The following ZBTB2 variants were observed in gnomAD, a reference collection of about 807,000 sequenced individuals.
The protein encoded by ZBTB2 is zinc finger and BTB domain containing 2, also known as zinc finger and BTB domain-containing protein 2.
Under a neutral mutation model 39.5 loss-of-function variants are expected in ZBTB2, and 2 were observed. The ratio of observed to expected loss-of-function variants is 0.05; its 90% CI spans 0.02 to 0.16. The LOEUF is 0.16. Ranked by LOEUF, ZBTB2 falls within the 10% of genes least tolerant of loss-of-function variation. The pLI is 1.00. For missense variants in ZBTB2, 391 were observed against 653.0 expected (o/e 0.60, Z 4.37); for synonymous variants, 251 against 256.6 (o/e 0.98, Z 0.21).
intron 1 of ZBTB2, among the ~76,000 whole-genome samples, chr6:151,391,201 C>T (rs1256768084): frequency 6.6e-6 from 1 of 151,408 alleles, no homozygotes; most frequent in Admixed American, 6.6e-5. Flanking sequence ...CGCCCCTGCC[C>T]TCGCTTCCCA....
rs531722252 is a variant in ZBTB2, at chr6:151,391,557, C to CGCGGCG, written c.-151_-150insCGCCGC. ...CTGCCGCCGCGGTCGGTGTCTCCGG[C>CGCGGCG]GCGGCGGCGGCGGCGGCGGCGGGGC... On this transcript the variant is annotated 5_prime_UTR_variant, in exon 1 of 3. Coordinates refer to ENST00000325144, the MANE Select transcript of ZBTB2 (RefSeq NM_020861.3). 2.0e-4 allele frequency: 30 copies of CGCGGCG among 153,802 alleles called. 1 individual carries two copies. Among genetic ancestry groups the CGCGGCG allele is most frequent in the South Asian group, 9.4e-4 (5 of 5,338 alleles). The allele number at this position is 153,802 out of a possible 1,614,324, so 9.5% of individuals were successfully genotyped here. A position where few individuals can be genotyped will look rare whatever the true frequency, so the allele number is the denominator to read the frequency against.
intron 2 of ZBTB2, among the ~76,000 whole-genome samples, chr6:151,372,712 G>T (rs1778811124): frequency 6.6e-6 from 1 of 152,090 alleles, no homozygotes; most frequent in Non-Finnish European, 1.5e-5. Flanking sequence ...CGAGCTTCTT[G>T]TTAGAGGAGG....
intron 1 of ZBTB2, among the ~76,000 whole-genome samples, chr6:151,386,356 TGAC>T (rs1779147622): frequency 6.6e-6 from 1 of 152,050 alleles, no homozygotes; most frequent in Non-Finnish European, 1.5e-5. Flanking sequence ...CTGCGCAACA[TGAC>T]GAGACCCTGT....
chr6:151,384,679 G>T (rs1435612734), intron 1 of ZBTB2, among the ~76,000 whole-genome samples: 2 of 152,152 alleles, frequency 1.3e-5, no homozygotes, highest in African/African-American at 2.4e-5. Flanking sequence ...CAAGAGGTTA[G>T]GTTCACACAT....
intron 1 of ZBTB2, among the ~76,000 whole-genome samples, chr6:151,388,712 G>A (rs1481299562): frequency 6.6e-6 from 1 of 152,200 alleles, no homozygotes; most frequent in African/African-American, 2.4e-5. Flanking sequence ...TAAAAGTGCA[G>A]ATTTTGGAGG....
chr6:151,376,184 A>G (rs934138939), intron 1 of ZBTB2, among the ~76,000 whole-genome samples: 1 of 152,228 alleles, frequency 6.6e-6, no homozygotes, highest in Non-Finnish European at 1.5e-5. Flanking sequence ...ACTTTATATA[A>G]AAATCAACTC....
At chr6:151,380,622 C>A (rs538272637) in intron 1 of ZBTB2, among the ~76,000 whole-genome samples, 2,499 of 152,282 alleles carry the variant, frequency 0.016, 61 homozygotes, top group African/African-American at 0.057. Flanking sequence ...GCCTCAGGGA[C>A]TCAGTGGCTT....
chr6:151,376,346 A>G (rs75098217), intron 1 of ZBTB2, among the ~76,000 whole-genome samples: 59 of 152,356 alleles, frequency 3.9e-4, no homozygotes, highest in African/African-American at 1.4e-3. Context: ...ACTGGACTTC[A>G]TCAAAATTAA....
intron 1 of ZBTB2, among the ~76,000 whole-genome samples, chr6:151,386,554 C>A (rs570958154): frequency 6.0e-4 from 91 of 152,286 alleles, no homozygotes; most frequent in African/African-American, 2.1e-3. Context: ...CAACAAAAAA[C>A]TGATCTGCTT....
intron 1 of ZBTB2, among the ~76,000 whole-genome samples, chr6:151,387,803 A>G (rs939044268): frequency 6.6e-6 from 1 of 152,202 alleles, no homozygotes; most frequent in Non-Finnish European, 1.5e-5. Context: ...TATGAGTTTG[A>G]GCATAAATAT....
intron 1 of ZBTB2, among the ~76,000 whole-genome samples, chr6:151,374,801 T>TAA (rs34697428): frequency 1.5e-5 from 2 of 131,750 alleles, no homozygotes; most frequent in African/African-American, 2.9e-5. Context: ...AGGCATCTAT[T>TAA]AAAAAAAAAA....
chr6:151,365,806 C>T lies in ZBTB2; in HGVS notation c.1260G>A (p.Met420Ile). Residue 420 changes from methionine (M) to isoleucine (I), a missense_variant, in exon 3 of 3, where the codon ATG becomes ATA. This residue lies in a region of ZBTB2 where 32 missense variants were observed against 73.5 expected (regional missense o/e 0.44). Coordinates refer to ENST00000325144, the MANE Select transcript of ZBTB2 (RefSeq NM_020861.3). The surrounding 1 kb of genome is among the most constrained non-coding windows in gnomAD (Gnocchi z 5.6). ...CLNQSIDTYT[M>I]VDKQTLELCT... ...AGAGTTCCAGAGTCTGTTTGTCCAC[C>T]ATGGTGTAAGTGTCGATGCTCTGGT... The T allele has an allele frequency of 6.2e-7, 1 of 1,614,190 alleles. No individual in the cohort carries two copies. The highest frequency in any genetic ancestry group is 8.5e-7 in the Non-Finnish European group (1 of 1,180,050).
At position 151,373,557 on chromosome 6, in the gene ZBTB2, C is replaced by G; in HGVS notation, c.81G>C (p.Thr27=). Residue 27 remains threonine (T), a synonymous_variant, in exon 2 of 3, where the codon ACG becomes ACC. Transcript: ENST00000325144. ...TGAAGTATACATCGCCGATTGCAAC[C>G]GTGCAGTCACACAGGAAACCAAACT... ...QREFGFLCDC[T]VAIGDVYFKA... 1 of 1,614,144 alleles carries G rather than the reference C, an allele frequency of 6.2e-7. No homozygotes were observed. The highest frequency in any genetic ancestry group is 1.1e-5 in the South Asian group (1 of 91,078).
At chr6:151,368,479 A>T (rs1778700325) in intron 2 of ZBTB2, among the ~76,000 whole-genome samples, 1 of 150,008 alleles carries the variant, frequency 6.7e-6, no homozygotes, top group South Asian at 2.1e-4. Context: ...GTTTTGAGAC[A>T]GAGTCTCACT....
intron 2 of ZBTB2, among the ~76,000 whole-genome samples, chr6:151,372,142 G>A (rs760504911): frequency 7.2e-5 from 11 of 152,148 alleles, no homozygotes; most frequent in Non-Finnish European, 1.5e-4. Flanking sequence ...ATTTACCAAA[G>A]GCCCAGGTTT....
At chr6:151,383,179 C>G (rs1386914426) in intron 1 of ZBTB2, among the ~76,000 whole-genome samples, 1 of 152,108 alleles carries the variant, frequency 6.6e-6, no homozygotes, top group Non-Finnish European at 1.5e-5. Context: ...CTCGGCCTCC[C>G]AAAGTGCTGG....
chr6:151,364,396 A>G lies in ZBTB2; in HGVS notation c.*1125T>C, dbSNP rs1316830496. 6.6e-6 allele frequency: 1 copy of G among 152,638 alleles called. No individual in the cohort carries two copies. Among genetic ancestry groups the G allele is most frequent in the Non-Finnish European group, 1.5e-5 (1 of 68,038 alleles). 9.5% of individuals were successfully genotyped at this position (152,638 alleles called of 1,614,324 possible). A position where few individuals can be genotyped will look rare whatever the true frequency, so the allele number is the denominator to read the frequency against. On this transcript the variant is annotated 3_prime_UTR_variant, in exon 3 of 3. Transcript: ENST00000325144. ...TCAGGCATTAAGAAAGAAGAAAGAA[A>G]AAAAAACAACCAAAAACCTGGAGAA...
chr6:151,372,333 C>G (rs192142076), intron 2 of ZBTB2, among the ~76,000 whole-genome samples: 1 of 152,050 alleles, frequency 6.6e-6, no homozygotes, highest in African/African-American at 2.4e-5. Context: ...GGGGAGGAAA[C>G]CACAGCGCGC....
intron 1 of ZBTB2, among the ~76,000 whole-genome samples, chr6:151,386,056 CTTAAA>C (rs747147172): frequency 2.0e-5 from 3 of 152,102 alleles, no homozygotes; most frequent in African/African-American, 7.2e-5. Flanking sequence ...TATGTTTACA[CTTAAA>C]TTAGTTTTTA....
Sources: allele counts gnomAD v4.1 joint callset (sites outside exome capture counted in the v4.1 genomes callset), GRCh38; gene constraint gnomAD v4.1.1; regional missense constraint gnomAD v4.1.1; non-coding constraint Gnocchi (gnomAD v3.1); transcripts MANE v1.5; gene names NCBI Gene and HGNC (gene_info 2026-07-23, HGNC 2026-07-21).